The following IP6K1 variants were observed in gnomAD, a reference collection of about 807,000 sequenced individuals.
The protein encoded by IP6K1 is inositol hexakisphosphate kinase 1, also known as ATP:1D-myo-inositol-hexakisphosphate phosphotransferase.
IP6K1 carries 13 observed loss-of-function variants against 38.3 expected under a neutral mutation model. That is an observed-to-expected ratio of 0.34 (90% CI 0.22 to 0.54). The LOEUF (loss-of-function observed/expected upper bound fraction) is 0.54, where lower values mean the gene tolerates loss of function less well. Ranked by LOEUF, IP6K1 falls within the 20% of genes least tolerant of loss-of-function variation. The probability of loss-of-function intolerance (pLI) is 0.92; values close to 1 mark genes in which losing one functional copy is unlikely to be tolerated. For missense variants in IP6K1, 397 were observed against 599.8 expected, an observed-to-expected ratio of 0.66 and a Z score of 3.53; for synonymous variants, 212 against 229.9, an observed-to-expected ratio of 0.92 and a Z score of 0.70.
chr3:49,752,499 A>C (rs529473323), intron 1 of IP6K1, among the ~76,000 whole-genome samples: 23 of 150,846 alleles, frequency 1.5e-4, no homozygotes, highest in Non-Finnish European at 2.8e-4. Flanking sequence ...AAAAAAAAAA[A>C]ACCCAAGGAA....
chr3:49,763,352 G>A lies in IP6K1; in HGVS notation c.-128-15184C>T, dbSNP rs1025909014. 2.6e-5 allele frequency among the ~76,000 whole-genome samples: 4 copies of A among 151,588 alleles called. No homozygotes were observed. The South Asian group carries it at 6.2e-4, about 24-fold the overall frequency. Reference sequence around the variant, plus strand: ...GATCTCCTGACCTCGTGATCCACCCGCCTCGGGCTCCCAAAGTGCTGGGAT... The same window carrying A: ...GATCTCCTGACCTCGTGATCCACCCACCTCGGGCTCCCAAAGTGCTGGGAT... On this transcript the variant is annotated intron_variant, in intron 1 of 5. Coordinates refer to ENST00000321599, the MANE Select transcript of IP6K1 (RefSeq NM_153273.4).
At chr3:49,728,962 T>TTC (rs1345235079) in intron 4 of IP6K1, among the ~76,000 whole-genome samples, 1 of 149,492 alleles carries the variant, frequency 6.7e-6, no homozygotes, top group East Asian at 2.0e-4. Flanking sequence ...CCTAATTTTT[T>TTC]TTTTTTTTTT....
In IP6K1 at chr3:49,785,242, T is replaced by C. The variant is rs577061401; in HGVS notation, c.-129+1112A>G. ...GTTAATTTGCGCCGGGCATAGTGGC[T>C]CACACTTGTAACCCCAGCACTTTGG... On this transcript the variant is annotated intron_variant, in intron 1 of 5. Coordinates refer to ENST00000321599, the MANE Select transcript of IP6K1 (RefSeq NM_153273.4). Among the ~76,000 whole-genome samples the C allele has an allele frequency of 3.3e-5, 5 of 150,662 alleles. No individual in the cohort carries two copies. In the South Asian group the frequency reaches 8.4e-4, roughly 25 times the overall value.
intron 2 of IP6K1, among the ~76,000 whole-genome samples, chr3:49,741,105 A>G (rs1180220747): frequency 6.6e-6 from 1 of 152,008 alleles, no homozygotes; most frequent in East Asian, 1.9e-4. Context: ...CCGCCTCCCA[A>G]AGTACTAGGA....
At chr3:49,769,596 T>G (rs2080940967) in intron 1 of IP6K1, among the ~76,000 whole-genome samples, 1 of 152,204 alleles carries the variant, frequency 6.6e-6, no homozygotes, top group South Asian at 2.1e-4. Flanking sequence ...TTTTTTTACA[T>G]TCTTCCCTCT....
chr3:49,781,065 AT>A lies in IP6K1; in HGVS notation c.-129+5288del, dbSNP rs34672159. On this transcript the variant is annotated intron_variant, in intron 1 of 5. Transcript: ENST00000321599. ...GGCCCTACCAGAGGAAACAAAAAAG[AT>A]TTTTTTTTTTTTGAGACAGAGTTTC... 1.8e-3 allele frequency among the ~76,000 whole-genome samples: 270 copies of A among 146,754 alleles called. 1 individual carries two copies. Among genetic ancestry groups the A allele is most frequent in the Non-Finnish European group, 2.6e-3 (175 of 66,692 alleles).
At chr3:49,752,184 T>C (rs2080782953) in intron 1 of IP6K1, among the ~76,000 whole-genome samples, 1 of 151,958 alleles carries the variant, frequency 6.6e-6, no homozygotes, top group Admixed American at 6.6e-5. Context: ...TAAAAAAATT[T>C]TTTTTTTTTA....
intron 1 of IP6K1, chr3:49,775,523 T>TA: frequency 1.0e-6 from 1 of 997,470 alleles, no homozygotes; most frequent in South Asian, 1.6e-5. Context: ...AGGAGAAGGA[T>TA]AGAGATGGCT....
intron 4 of IP6K1, among the ~76,000 whole-genome samples, chr3:49,732,336 T>C (rs2080569606): frequency 2.0e-5 from 3 of 152,184 alleles, no homozygotes; most frequent in Admixed American, 1.3e-4. Flanking sequence ...AGGGGAAAAC[T>C]ACACACATGC....
intron 1 of IP6K1, among the ~76,000 whole-genome samples, chr3:49,770,818 T>C (rs2080950823): frequency 6.6e-6 from 1 of 152,130 alleles, no homozygotes; most frequent in Admixed American, 6.5e-5. Flanking sequence ...AACCTCTGAT[T>C]ATTTATTTAT....
At chr3:49,764,425 A>G (rs765397257) in intron 1 of IP6K1, among the ~76,000 whole-genome samples, 36 of 152,126 alleles carry the variant, frequency 2.4e-4, no homozygotes, top group Admixed American at 1.4e-3. Flanking sequence ...AACAAATTAT[A>G]TATTGATTGT....
At position 49,726,964 on chromosome 3, in the gene IP6K1, T is replaced by C. The variant is rs1272183098; in HGVS notation, c.*158A>G. 1 of 748,458 alleles carries C rather than the reference T, an allele frequency of 1.3e-6. No homozygotes were observed. Among genetic ancestry groups the C allele is most frequent in the Non-Finnish European group, 2.1e-6 (1 of 470,530 alleles). 46.4% of individuals were successfully genotyped at this position (748,458 alleles called of 1,614,324 possible). On this transcript the variant is annotated 3_prime_UTR_variant, in exon 6 of 6. Transcript: ENST00000321599. The stretch of plus-strand genomic sequence containing the variant: ...GGTCTGCCCTCCTTCACTTTATATA[T>C]ATGGATTCCAGGCTACAGCTAAAAA...
intron 1 of IP6K1, among the ~76,000 whole-genome samples, chr3:49,772,282 TTATA>T (rs1314094071): frequency 1.4e-5 from 2 of 147,814 alleles, no homozygotes; most frequent in East Asian, 3.9e-4. Context: ...AATATATATG[TTATA>T]TAGTCTTCCT....
chr3:49,765,390 C>T (rs1468067652), intron 1 of IP6K1, among the ~76,000 whole-genome samples: 1 of 151,604 alleles, frequency 6.6e-6, no homozygotes, highest in African/African-American at 2.4e-5. Context: ...GCCTGTAATC[C>T]CAGCACTTTG....
chr3:49,773,284 CTTACT>C (rs1285916967), intron 1 of IP6K1, among the ~76,000 whole-genome samples: 5 of 152,196 alleles, frequency 3.3e-5, no homozygotes, highest in African/African-American at 4.8e-5. Context: ...AAGGTCAGCA[CTTACT>C]TTAGAGACAC....
At chr3:49,735,097 A>G (rs2080596985) in intron 3 of IP6K1, among the ~76,000 whole-genome samples, 1 of 152,198 alleles carries the variant, frequency 6.6e-6, no homozygotes, top group Non-Finnish European at 1.5e-5. Flanking sequence ...GCTCATGCCT[A>G]TAATCCTTAC....
intron 1 of IP6K1, among the ~76,000 whole-genome samples, chr3:49,780,991 A>C (rs1299806322): frequency 6.6e-6 from 1 of 152,338 alleles, no homozygotes; most frequent in Non-Finnish European, 1.5e-5. Flanking sequence ...ACAGGCGCAA[A>C]AAGACACAAA....
intron 2 of IP6K1, among the ~76,000 whole-genome samples, chr3:49,743,619 G>GTT (rs1553694207): frequency 7.3e-5 from 6 of 81,806 alleles, no homozygotes; most frequent in Non-Finnish European, 1.3e-4. Flanking sequence ...TTTTTTTTTT[G>GTT]TTTTTTTTTT....
In IP6K1 at chr3:49,727,329, G is replaced by A; in HGVS notation, c.1119C>T (p.Gly373=). 3.7e-6 allele frequency: 6 copies of A among 1,614,118 alleles called. 1 individual carries two copies. The South Asian group carries it at 6.6e-5, about 18-fold the overall frequency. Residue 373 remains glycine, a synonymous_variant, in exon 6 of 6, where the codon GGC becomes GGT. Coordinates refer to ENST00000321599, the MANE Select transcript of IP6K1 (RefSeq NM_153273.4). This position sits in a 1 kb window ranked among gnomAD's most constrained non-coding sequence, Gnocchi z 5.9. ...MVLPEVASSC[G]PSTSPSNTSP... ...TGGTGTTGCTGGGGCTGGTGCTGGG[G>A]CCACAGGATGACGCCACCTCAGGGA...
Sources: gnomAD v4.1 joint callset for allele counts (sites outside exome capture counted in the v4.1 genomes callset) on GRCh38, gnomAD v4.1.1 for gene constraint, Gnocchi (gnomAD v3.1) non-coding constraint, MANE v1.5 for transcripts, NCBI Gene and HGNC (gene_info 2026-07-23, HGNC 2026-07-21) for gene names.